Variants in USP6NL observed in about 807,000 individuals in gnomAD.
USP6NL encodes USP6 N-terminal like, also known as USP6 N-terminal-like protein.
A neutral mutation model predicts 61.9 loss-of-function variants in USP6NL; 26 were observed. The observed-to-expected ratio is 0.42, with a 90% CI of 0.31 to 0.58. The LOEUF (loss-of-function observed/expected upper bound fraction) is 0.58. Ranked by LOEUF, USP6NL falls within the 20% of genes least tolerant of loss-of-function variation. USP6NL has a pLI of 0.16. For missense variants in USP6NL, 1,114 were observed against 1,034.3 expected (o/e 1.08, Z -1.06); for synonymous variants, 432 against 390.1 (o/e 1.11, Z -1.27).
In USP6NL at chr10:11,499,606, GAC is replaced by G. The variant is rs1834087562; in HGVS notation, c.384+1493_384+1494del. ...ACTATTGTCCCTATCAGGAAAGACA[GAC>G]ACACATTCACAGGAGGGAGGATAGC... On this transcript the variant is annotated intron_variant, in intron 7 of 14. Coordinates refer to ENST00000609104, the MANE Select transcript of USP6NL (RefSeq NM_014688.5). This position sits in a 1 kb window ranked among gnomAD's most constrained non-coding sequence, Gnocchi z 4.5. Among the ~76,000 whole-genome samples the G allele has an allele frequency of 3.3e-5, 5 of 152,288 alleles. No individual in the cohort carries two copies. The highest frequency in any genetic ancestry group is 1.2e-4 in the African/African-American group (5 of 41,578).
intron 2 of USP6NL, among the ~76,000 whole-genome samples, chr10:11,536,093 T>C (rs1039529910): frequency 6.6e-6 from 1 of 152,186 alleles, no homozygotes; most frequent in African/African-American, 2.4e-5. Context: ...ACCACTTATT[T>C]TGACTGGTCA....
chr10:11,497,411 C>CAAA (rs11307707), intron 7 of USP6NL, among the ~76,000 whole-genome samples: 15 of 106,024 alleles, frequency 1.4e-4, no homozygotes, highest in Non-Finnish European at 1.7e-4. Flanking sequence ...GACTCAGTCT[C>CAAA]AAAAAAAAAA....
At chr10:11,603,091 C>T (rs1239982986) in intron 1 of USP6NL, among the ~76,000 whole-genome samples, 1 of 152,146 alleles carries the variant, frequency 6.6e-6, no homozygotes, top group African/African-American at 2.4e-5. Context: ...CAAAGTACTT[C>T]CTGCTAATAA....
At position 11,485,732 on chromosome 10, in the gene USP6NL, G is replaced by T; in HGVS notation, c.759+85C>A. ...ATGGATGACACTATAAATTAATAAG[G>T]TAATTGGACCAAAGACAATTTAATT... On this transcript the variant is annotated intron_variant, in intron 11 of 14. Transcript: ENST00000609104. This position sits in a 1 kb window ranked among gnomAD's most constrained non-coding sequence, Gnocchi z 4.8. 1 of 825,570 alleles carries T rather than the reference G, an allele frequency of 1.2e-6. No homozygotes were observed. The highest frequency in any genetic ancestry group is 1.9e-6 in the Non-Finnish European group (1 of 524,292). The allele number at this position is 825,570 out of a possible 1,614,324, so 51.1% of individuals were successfully genotyped here. A position where few individuals can be genotyped will look rare whatever the true frequency, so the allele number is the denominator to read the frequency against.
Position 11,562,817 on chromosome 10 carries a change from T to C in USP6NL, c.4+34814A>G, listed in dbSNP as rs1361010407. 3.1e-6 allele frequency: 3 copies of C among 978,662 alleles called. No homozygotes were observed. The highest frequency in any genetic ancestry group is 5.2e-4 in the Middle Eastern group (1 of 1,906). 60.6% of individuals were successfully genotyped at this position (978,662 alleles called of 1,614,324 possible). A position where few individuals can be genotyped will look rare whatever the true frequency, so the allele number is the denominator to read the frequency against. On this transcript the variant is annotated intron_variant, in intron 2 of 14. Coordinates refer to ENST00000609104, the MANE Select transcript of USP6NL (RefSeq NM_014688.5). The surrounding 1 kb of genome is among the most constrained non-coding windows in gnomAD (Gnocchi z 4.8). The stretch of plus-strand genomic sequence containing the variant: ...TCTAGTTTTATTAGGCATTAGTAAA[T>C]AAGTTTTAGAAGAATAATAGTAAGG...
At chr10:11,527,881 A>G (rs1835483151) in intron 2 of USP6NL, among the ~76,000 whole-genome samples, 1 of 152,202 alleles carries the variant, frequency 6.6e-6, no homozygotes, top group African/African-American at 2.4e-5. Flanking sequence ...TGAAAGCTCT[A>G]AGTTTTCAGA....
chr10:11,471,520 T>G (rs1053614691), intron 14 of USP6NL, among the ~76,000 whole-genome samples: 3 of 152,184 alleles, frequency 2.0e-5, no homozygotes, highest in Admixed American at 6.5e-5. Context: ...TAAAGACACA[T>G]GCACACGTAT....
intron 2 of USP6NL, among the ~76,000 whole-genome samples, chr10:11,541,501 T>C (rs1437470082): frequency 1.3e-5 from 2 of 151,900 alleles, no homozygotes; most frequent in Non-Finnish European, 2.9e-5. Context: ...GTTAGAGAAG[T>C]GGCACTTGGA....
chr10:11,462,525 T>A lies in USP6NL; in HGVS notation c.2403A>T (p.Gly801=). The change falls in exon 15 of 15, where the codon GGA becomes GGT. Residue 801 remains glycine (G), a synonymous_variant. Transcript: ENST00000609104. ...SPAAEDASPS[G]YPYSGPPPPA... ...GAGGCGGGGGCCCTGAATATGGATATCCAGATGGACTGGCATCTTCTGCGG... is the reference window on the plus strand; with the variant it reads ...GAGGCGGGGGCCCTGAATATGGATAACCAGATGGACTGGCATCTTCTGCGG... 6.2e-7 allele frequency: 1 copy of A among 1,613,980 alleles called. No homozygotes were observed. Among genetic ancestry groups the A allele is most frequent in the Non-Finnish European group, 8.5e-7 (1 of 1,179,892 alleles).
chr10:11,531,908 C>T (rs888702311), intron 2 of USP6NL, among the ~76,000 whole-genome samples: 5 of 152,102 alleles, frequency 3.3e-5, no homozygotes, highest in Non-Finnish European at 7.4e-5. Flanking sequence ...TAAAAATTGA[C>T]AACTATACAA....
chr10:11,475,679 ATAGGCAAGGAT>A (rs1832944280), intron 14 of USP6NL, among the ~76,000 whole-genome samples: 2 of 151,958 alleles, frequency 1.3e-5, no homozygotes, highest in African/African-American at 4.8e-5. Flanking sequence ...GAAATTTGAT[ATAGGCAAGGAT>A]TATCAATGGA....
In USP6NL at chr10:11,575,087, T is replaced by C. The variant is rs1837494113; in HGVS notation, c.4+22544A>G. Among the ~76,000 whole-genome samples the C allele has an allele frequency of 6.6e-6, 1 of 152,160 alleles. No homozygotes were observed. The highest frequency in any genetic ancestry group is 6.5e-5 in the Admixed American group (1 of 15,268). On this transcript the variant is annotated intron_variant, in intron 2 of 14. Coordinates refer to ENST00000609104, the MANE Select transcript of USP6NL (RefSeq NM_014688.5). The surrounding 1 kb of genome is among the most constrained non-coding windows in gnomAD (Gnocchi z 4.2). ...AAGAGAGGACAAAAGAGGACCACTC[T>C]CCTAATTCCCTATTATCTTTAAAGA... is the stretch of plus-strand genomic sequence containing the variant.
At position 11,470,118 on chromosome 10, in the gene USP6NL, C is replaced by T. The variant is rs116925856; in HGVS notation, c.1079-6269G>A. On this transcript the variant is annotated intron_variant, in intron 14 of 14. Transcript: ENST00000609104. This position sits in a 1 kb window ranked among gnomAD's most constrained non-coding sequence, Gnocchi z 5.4. ...CATGAGGAGGAGAAGCAAGAAGGGGCGGAGACAGTGAAGGAGAGGTGAGGA... is the reference window on the plus strand; with the variant it reads ...CATGAGGAGGAGAAGCAAGAAGGGGTGGAGACAGTGAAGGAGAGGTGAGGA... 0.028 allele frequency among the ~76,000 whole-genome samples: 4,208 copies of T among 152,130 alleles called. 78 individuals are homozygous for T. Among genetic ancestry groups the T allele is most frequent in the Non-Finnish European group, 0.045 (3,078 of 67,992 alleles).
At position 11,532,394 on chromosome 10, in the gene USP6NL, A is replaced by G; in HGVS notation, c.5-4827T>C. 1 of 552,198 alleles carries G rather than the reference A, an allele frequency of 1.8e-6. No homozygotes were observed. The highest frequency in any genetic ancestry group is 3.1e-6 in the Non-Finnish European group (1 of 324,186). The allele number at this position is 552,198 out of a possible 1,614,324, so 34.2% of individuals were successfully genotyped here. On this transcript the variant is annotated intron_variant, in intron 2 of 14. Transcript: ENST00000609104. This position sits in a 1 kb window ranked among gnomAD's most constrained non-coding sequence, Gnocchi z 4.1. The stretch of plus-strand genomic sequence containing the variant: ...ATCTGTGAAACAAGCACAAGAAGAA[A>G]AAGTTTGAGATGCACTCTGTCTTCT...
intron 2 of USP6NL, among the ~76,000 whole-genome samples, chr10:11,538,860 C>G (rs1201845429): frequency 2.0e-5 from 3 of 152,166 alleles, no homozygotes; most frequent in Admixed American, 1.3e-4. Context: ...ATGAAGTGCT[C>G]GAGAGACTCA....
At chr10:11,538,597 G>A (rs1007513756) in intron 2 of USP6NL, among the ~76,000 whole-genome samples, 3 of 151,998 alleles carry the variant, frequency 2.0e-5, no homozygotes, top group East Asian at 1.9e-4. Flanking sequence ...ATATATCAAC[G>A]TATGCTGAAA....
rs1231409145 is a variant in USP6NL, at chr10:11,495,199, T to A, written c.385-1971A>T. ...TCTGGTCACTTCTCACTGTGTCCCC[T>A]CAGCTCCTATCTCTGTATGGCCTGG... On this transcript the variant is annotated intron_variant, in intron 7 of 14. Transcript: ENST00000609104. The surrounding 1 kb of genome is among the most constrained non-coding windows in gnomAD (Gnocchi z 4.6). Among the ~76,000 whole-genome samples, 1 of 152,224 alleles carries A rather than the reference T, an allele frequency of 6.6e-6. No individual in the cohort carries two copies. The highest frequency in any genetic ancestry group is 1.9e-4 in the East Asian group (1 of 5,202).
intron 7 of USP6NL, among the ~76,000 whole-genome samples, chr10:11,494,130 C>T (rs1374581120): frequency 2.6e-5 from 4 of 152,168 alleles, no homozygotes; most frequent in African/African-American, 9.7e-5. Context: ...AACTATTTGG[C>T]TGTTTTAGAA....
rs74479095 is a variant in USP6NL at position 11,576,047 on chromosome 10, T to C, written c.4+21584A>G. On this transcript the variant is annotated intron_variant, in intron 2 of 14. Transcript: ENST00000609104. ...GGATTTCAGGATATATACTTCAAAA[T>C]AGTTACGGGTAAATACTTCAACTCA... Among the ~76,000 whole-genome samples, 96 of 149,370 alleles carry C rather than the reference T, an allele frequency of 6.4e-4. 1 individual carries two copies. The East Asian group carries it at 0.017, about 26-fold the overall frequency.
Sources: gnomAD v4.1 joint callset for allele counts (sites outside exome capture counted in the v4.1 genomes callset) on GRCh38, gnomAD v4.1.1 for gene constraint, Gnocchi (gnomAD v3.1) non-coding constraint, MANE v1.5 for transcripts, NCBI Gene and HGNC (gene_info 2026-07-23, HGNC 2026-07-21) for gene names.